Variants in RYR3 observed in about 807,000 individuals in gnomAD.
The protein encoded by RYR3 is ryanodine receptor 3.
In RYR3, 207 loss-of-function variants were observed where a neutral mutation model predicts 584.3. That is an observed-to-expected ratio of 0.35 (90% CI 0.32 to 0.40). RYR3 has a LOEUF of 0.40. RYR3 is among the 10% of genes least tolerant of loss of function. The pLI is 1.00. For synonymous variants in RYR3, 2,416 were observed against 2,248.5 expected (o/e 1.07, Z -2.11); for missense variants, 5,616 against 6,089.2 (o/e 0.92, Z 2.59).
intron 55 of RYR3, 136 bp downstream of exon 55, chr15:33,748,666 T>C: frequency 1.3e-6 from 1 of 761,492 alleles, no homozygotes; most frequent in East Asian, 2.7e-5. Flanking sequence ...ACGGTCACCT[T>C]GTGCAGAGGC....
Position 33,865,806 on chromosome 15 carries a change from G to C in RYR3, c.*580G>C, listed in dbSNP as rs1180186506. 1 of 152,654 alleles carries C rather than the reference G, an allele frequency of 6.6e-6. No individual in the cohort carries two copies. The highest frequency in any genetic ancestry group is 2.4e-5 in the African/African-American group (1 of 41,440). 9.5% of individuals were successfully genotyped at this position (152,654 alleles called of 1,614,324 possible). ...AACCTCTTTAGACATAGCTATGCAA[G>C]TTTTTTATGTTTGTGTTCCAGAAGG... On this transcript the variant is annotated 3_prime_UTR_variant, in exon 104 of 104. Coordinates refer to ENST00000634891, the MANE Select transcript of RYR3 (RefSeq NM_001036.6).
At chr15:33,772,738 A>G (rs1389356851) in intron 63 of RYR3, among the ~76,000 whole-genome samples, 1 of 152,208 alleles carries the variant, frequency 6.6e-6, no homozygotes, top group Non-Finnish European at 1.5e-5. Flanking sequence ...ATTTAATTTG[A>G]CCAGTTGTTG....
intron 87 of RYR3, 32 bp from the exon 88 acceptor site, chr15:33,836,874 T>C: frequency 6.3e-7 from 1 of 1,578,346 alleles, no homozygotes; most frequent in Non-Finnish European, 8.7e-7. Context: ...AGGGATCAGA[T>C]AGCTCAGGGG....
intron 1 of RYR3, among the ~76,000 whole-genome samples, chr15:33,407,828 C>A (rs2043126543): frequency 6.6e-6 from 1 of 152,082 alleles, no homozygotes; most frequent in South Asian, 2.1e-4. Context: ...TCCTGGCTAA[C>A]CATAGGTTAT....
intron 12 of RYR3, among the ~76,000 whole-genome samples, chr15:33,570,625 TCTG>T (rs1344127226): frequency 1.3e-5 from 2 of 152,184 alleles, no homozygotes; most frequent in Non-Finnish European, 2.9e-5. Flanking sequence ...CAAAAAAAAT[TCTG>T]CTGGAATTTT....
rs376501123 is a variant in RYR3 at position 33,800,817 on chromosome 15, G to A, written c.9878G>A (p.Arg3293His). Residue 3293 changes from arginine to histidine, a missense_variant, in exon 68 of 104, where the codon CGC becomes CAC. Physicochemically the swap from Arg to His is conservative, Grantham distance 29. Around this residue, in one of 9 missense-constraint regions of RYR3, gnomAD observed 954 missense variants for 1,132.2 expected, o/e 0.84. Transcript: ENST00000634891. ...SPDADSDQLF[R>H]MVAEVFILWC... is the part of the protein sequence containing the mutation. ...GATGCTGATTCTGACCAGCTCTTCC[G>A]CATGGTGGCAGAAGTCTTCATTCTG... The A allele has an allele frequency of 1.1e-5, 17 of 1,613,538 alleles. No individual in the cohort carries two copies. Among genetic ancestry groups the A allele is most frequent in the Admixed American group, 3.3e-5 (2 of 60,012 alleles).
chr15:33,332,578 C>G (rs1375268211), intron 1 of RYR3, among the ~76,000 whole-genome samples: 1 of 151,946 alleles, frequency 6.6e-6, no homozygotes, highest in African/African-American at 2.4e-5. Context: ...TTTAGGCAAT[C>G]AGTATCATAT....
chr15:33,562,302 T>C (rs2057451075), intron 10 of RYR3, among the ~76,000 whole-genome samples: 1 of 152,220 alleles, frequency 6.6e-6, no homozygotes, highest in African/African-American at 2.4e-5. Context: ...CACAAATTAC[T>C]ACATTAGCTT....
At chr15:33,374,639 A>G (rs1165077712) in intron 1 of RYR3, among the ~76,000 whole-genome samples, 1 of 152,182 alleles carries the variant, frequency 6.6e-6, no homozygotes, top group African/African-American at 2.4e-5. Flanking sequence ...CCTGAATTTA[A>G]TCTCATTGGG....
intron 1 of RYR3, among the ~76,000 whole-genome samples, chr15:33,376,277 A>G (rs903436473): frequency 4.6e-5 from 7 of 152,256 alleles, no homozygotes; most frequent in South Asian, 4.1e-4. Context: ...AAGATAACTC[A>G]TGATATTGAG....
intron 1 of RYR3, among the ~76,000 whole-genome samples, chr15:33,402,683 C>G (rs894777432): frequency 7.9e-5 from 12 of 152,202 alleles, no homozygotes; most frequent in African/African-American, 2.9e-4. Context: ...AGCATAAATC[C>G]TGCACAGACT....
In RYR3 at chr15:33,772,051, T is replaced by C; in HGVS notation, c.8948T>C (p.Ile2983Thr). The C allele has an allele frequency of 6.2e-7, 1 of 1,613,760 alleles. No individual in the cohort carries two copies. The highest frequency in any genetic ancestry group is 8.5e-7 in the Non-Finnish European group (1 of 1,179,810). The change falls in exon 63 of 104, where the codon ATT (isoleucine) becomes ACT (threonine). Residue 2983 changes from isoleucine to threonine, a missense_variant. By Grantham distance (89) the Ile-to-Thr change is moderately conservative. Coordinates refer to ENST00000634891, the MANE Select transcript of RYR3 (RefSeq NM_001036.6). ...AAGTTCACCCATTCCCGAACGCAGA[T>C]TAAAGGCGTTTCTCAGAATATTAAC... ...LGKFTHSRTQ[I>T]KGVSQNINYT...
chr15:33,810,360 G>C (rs560562477), intron 70 of RYR3, 119 bp from the exon 71 acceptor site: 371 of 901,258 alleles, frequency 4.1e-4, no homozygotes, highest in Non-Finnish European at 5.8e-4. Flanking sequence ...CCTTTGAAGT[G>C]TAGTAAGGCC....
chr15:33,817,766 G>GT (rs1207054071), intron 75 of RYR3, among the ~76,000 whole-genome samples: 1 of 151,996 alleles, frequency 6.6e-6, no homozygotes, highest in African/African-American at 2.4e-5. Context: ...CACTCCGTTG[G>GT]TTTTCTCAGT....
chr15:33,445,930 G>A (rs2046619568), intron 1 of RYR3, among the ~76,000 whole-genome samples: 1 of 152,014 alleles, frequency 6.6e-6, no homozygotes, highest in South Asian at 2.1e-4. Context: ...GAATGTTCTG[G>A]GACCCTGAGA....
At chr15:33,349,159 AGTTT>A (rs550287168) in intron 1 of RYR3, among the ~76,000 whole-genome samples, 128 of 143,762 alleles carry the variant, frequency 8.9e-4, no homozygotes, top group African/African-American at 3.1e-3. Context: ...GATGTACCAC[AGTTT>A]GTTTATCTGT....
At chr15:33,340,775 G>A (rs1301337377) in intron 1 of RYR3, among the ~76,000 whole-genome samples, 1 of 152,024 alleles carries the variant, frequency 6.6e-6, no homozygotes, top group Admixed American at 6.5e-5. Flanking sequence ...TCACATTTCG[G>A]GTTAGGGCTT....
intron 1 of RYR3, among the ~76,000 whole-genome samples, chr15:33,464,503 T>TATATATATATACAC (rs1180164194): frequency 1.4e-4 from 15 of 105,918 alleles, no homozygotes; most frequent in South Asian, 3.0e-4. Flanking sequence ...CATATATATA[T>TATATATATATACAC]ACATACACAT....
At chr15:33,843,648 G>A in intron 92 of RYR3, 74 bp downstream of exon 92, 1 of 1,052,490 alleles carries the variant, frequency 9.5e-7, no homozygotes, top group Middle Eastern at 2.0e-4. Context: ...AAAGAATCAT[G>A]ACAGAATTTG....
Sources: allele counts gnomAD v4.1 joint callset (sites outside exome capture counted in the v4.1 genomes callset), GRCh38; gene constraint gnomAD v4.1.1; regional missense constraint gnomAD v4.1.1; transcripts MANE v1.5; gene names NCBI Gene and HGNC (gene_info 2026-07-23, HGNC 2026-07-21).